The following ZNF250 variants were observed in gnomAD, a reference collection of about 807,000 sequenced individuals.
ZNF250 encodes the protein zinc finger protein 250, also known as zinc finger protein (clone 647).
ZNF250 carries 13 observed loss-of-function variants against 37.1 expected under a neutral mutation model. The ratio of observed to expected loss-of-function variants is 0.35; its 90% CI spans 0.23 to 0.56. The LOEUF (loss-of-function observed/expected upper bound fraction) is 0.56, where lower values mean the gene tolerates loss of function less well. Among genes scored for constraint, ZNF250 ranks in the 20% least tolerant of loss-of-function variants. ZNF250 has a pLI of 0.87. For synonymous variants in ZNF250, 251 were observed against 265.6 expected, an observed-to-expected ratio of 0.94 and a Z score of 0.54; for missense variants, 474 against 697.9, an observed-to-expected ratio of 0.68 and a Z score of 3.61.
chr8:144,884,018 CA>C (rs1831693275), intron 5 of ZNF250, among the ~76,000 whole-genome samples: 2 of 152,174 alleles, frequency 1.3e-5, no homozygotes, highest in Non-Finnish European at 2.9e-5. Flanking sequence ...GCTGGGAGTA[CA>C]GGCATGAGCC....
At chr8:144,896,680 G>A (rs1053933290) in intron 1 of ZNF250, among the ~76,000 whole-genome samples, 3 of 152,192 alleles carry the variant, frequency 2.0e-5, no homozygotes, top group African/African-American at 7.2e-5. Flanking sequence ...GAAGGAGGAT[G>A]ATGTGGACAG....
chr8:144,902,123 C>T (rs548785880), upstream of ZNF250: 1 of 152,476 alleles, frequency 6.6e-6, no homozygotes, highest in East Asian at 1.9e-4. Context: ...GTGCTCCCGA[C>T]AGGGGGCGTC....
chr8:144,884,611 A>G lies in ZNF250; in HGVS notation c.347-1775T>C, dbSNP rs537503388. On this transcript the variant is annotated intron_variant, in intron 5 of 5. Transcript: ENST00000417550. ...AGCATGCTTCTGTGAAGATTCTCCT[A>G]TGTTTCCTGGTGCTTACACACAAAT... Among the ~76,000 whole-genome samples the G allele has an allele frequency of 1.4e-4, 21 of 152,182 alleles. No individual in the cohort carries two copies. In the South Asian group the frequency reaches 4.4e-3, roughly 32 times the overall value.
At chr8:144,889,831 G>A (rs1422190589) in intron 3 of ZNF250, 102 bp downstream of exon 3, 3 of 1,483,342 alleles carry the variant, frequency 2.0e-6, no homozygotes, top group East Asian at 2.3e-5. Flanking sequence ...GGTGATGAGA[G>A]CAAACCTCCA....
chr8:144,889,915 CCTG>C lies in ZNF250; in HGVS notation c.169+15_169+17del. The C allele has an allele frequency of 6.3e-7, 1 of 1,586,170 alleles. No homozygotes were observed. Among genetic ancestry groups the C allele is most frequent in the Non-Finnish European group, 8.6e-7 (1 of 1,163,656 alleles). ...CCAATACGCAGATACATAGACGAGGCCTGCTAAGGTGGCTTACCCAATGAGACT... is the reference window on the plus strand; with the variant it reads ...CCAATACGCAGATACATAGACGAGGCCTAAGGTGGCTTACCCAATGAGACT... On this transcript the variant is annotated intron_variant, in intron 3 of 5. Coordinates refer to ENST00000417550, the MANE Select transcript of ZNF250 (RefSeq NM_001109689.4).
intron 5 of ZNF250, among the ~76,000 whole-genome samples, chr8:144,884,285 C>T (rs1831712209): frequency 1.3e-5 from 2 of 152,070 alleles, no homozygotes; most frequent in African/African-American, 4.8e-5. Flanking sequence ...GGAGTCTTAC[C>T]CTGTCGCCCA....
At chr8:144,889,513 T>C in intron 4 of ZNF250, 68 bp downstream of exon 4, 1 of 1,285,598 alleles carries the variant, frequency 7.8e-7, no homozygotes. Flanking sequence ...CAGTATGAAC[T>C]AGGTCCACAG....
rs1831249686 is a variant in ZNF250, at chr8:144,878,321, G to C, written c.*3194C>G. On this transcript the variant is annotated 3_prime_UTR_variant, in exon 6 of 6. Coordinates refer to ENST00000417550, the MANE Select transcript of ZNF250 (RefSeq NM_001109689.4). ...CTAGTGATCTCAACCTTTCTCTGAA[G>C]AATCACCTTAGTGATTTCAGCCACC... is the stretch of plus-strand genomic sequence containing the variant. 1 of 152,202 alleles carries C rather than the reference G, an allele frequency of 6.6e-6. No individual in the cohort carries two copies. Among genetic ancestry groups the C allele is most frequent in the Non-Finnish European group, 1.5e-5 (1 of 68,034 alleles). 9.4% of individuals were successfully genotyped at this position (152,202 alleles called of 1,614,324 possible). A position where few individuals can be genotyped will look rare whatever the true frequency, so the allele number is the denominator to read the frequency against.
Position 144,881,861 on chromosome 8 carries a change from G to C in ZNF250, c.1322C>G (p.Thr441Ser), listed in dbSNP as rs141062104. ...ACCACACACATAGGGCTTCTCCCCA[G>C]TGTGGACTCTCTGGTGCTGGATCAG... ...SHLIQHQRVHTGEKPYVCGEC... is the reference protein window; with the variant it reads ...SHLIQHQRVHSGEKPYVCGEC... The change falls in exon 6 of 6, where the codon ACT becomes AGT. Residue 441 changes from threonine to serine, a missense_variant. This residue lies in a region of ZNF250 where 282 missense variants were observed against 470.4 expected (regional missense o/e 0.60). Coordinates refer to ENST00000417550, the MANE Select transcript of ZNF250 (RefSeq NM_001109689.4). The C allele has an allele frequency of 2.9e-4, 461 of 1,614,058 alleles. 1 individual carries two copies. Among genetic ancestry groups the C allele is most frequent in the East Asian group, 4.7e-4 (21 of 44,866 alleles).
At position 144,900,378 on chromosome 8, in the gene ZNF250, G is replaced by A. The variant is rs186460110; in HGVS notation, c.-55+1021C>T. Among the ~76,000 whole-genome samples the A allele has an allele frequency of 1.2e-4, 19 of 152,264 alleles. No homozygotes were observed. The South Asian group carries it at 2.1e-3, about 17-fold the overall frequency. On this transcript the variant is annotated intron_variant, in intron 1 of 5. Coordinates refer to ENST00000417550, the MANE Select transcript of ZNF250 (RefSeq NM_001109689.4). ...CTGCCGCCCCTGGTGTTAGTCAAAC[G>A]ACACCAGCTTCCCTTTGATGACAGA...
chr8:144,897,386 C>T lies in ZNF250; in HGVS notation c.-55+4013G>A, dbSNP rs779772262. ...GAGCACAAGGCGAAACACTGCTAAA[C>T]TTGACCTAATCTAAACTAACCCTAA... On this transcript the variant is annotated intron_variant, in intron 1 of 5. Transcript: ENST00000417550. The surrounding 1 kb of genome is among the most constrained non-coding windows in gnomAD (Gnocchi z 5.2). 2.6e-5 allele frequency among the ~76,000 whole-genome samples: 4 copies of T among 152,254 alleles called. No individual in the cohort carries two copies. Among genetic ancestry groups the T allele is most frequent in the Non-Finnish European group, 5.9e-5 (4 of 68,050 alleles).
intron 5 of ZNF250, among the ~76,000 whole-genome samples, chr8:144,884,709 A>AT (rs1171123922): frequency 6.6e-6 from 1 of 150,496 alleles, no homozygotes; most frequent in East Asian, 1.9e-4. Flanking sequence ...TTTTTTTTTC[A>AT]TTTTTTTTAC....
chr8:144,881,692 C>T lies in ZNF250; in HGVS notation c.1491G>A (p.Thr497=), dbSNP rs775958362. ...ATLIVHLRTH[T]GEKPYECNSC... ...TATTGCACTCATATGGCTTCTCGCC[C>T]GTGTGGGTCCTCAGGTGCACAATCA... The change falls in exon 6 of 6, where the codon ACG becomes ACA. Residue 497 remains threonine (T), a synonymous_variant. Transcript: ENST00000417550. 20 of 1,612,240 alleles carry T rather than the reference C, an allele frequency of 1.2e-5. No homozygotes were observed. Among genetic ancestry groups the T allele is most frequent in the East Asian group, 6.7e-5 (3 of 44,756 alleles).
chr8:144,890,406 G>C lies in ZNF250; in HGVS notation c.-54-3C>G, dbSNP rs1317802140. 7.0e-7 allele frequency: 1 copy of C among 1,420,774 alleles called. No individual in the cohort carries two copies. Among genetic ancestry groups the C allele is most frequent in the East Asian group, 2.5e-5 (1 of 40,712 alleles). 88.0% of individuals were successfully genotyped at this position (1,420,774 alleles called of 1,614,324 possible). ...GGAAATTGAAGGAGCCTATGGGGCT[G>C]AGGAAGAGGAGGGGGCAAGTGAGGG... On this transcript the variant is annotated splice_polypyrimidine_tract_variant and splice_region_variant and intron_variant, in intron 1 of 5. Coordinates refer to ENST00000417550, the MANE Select transcript of ZNF250 (RefSeq NM_001109689.4). This position sits in a 1 kb window ranked among gnomAD's most constrained non-coding sequence, Gnocchi z 5.1.
At chr8:144,887,028 C>T in intron 4 of ZNF250, 126 bp from the exon 5 acceptor site, 1 of 747,606 alleles carries the variant, frequency 1.3e-6, no homozygotes, top group South Asian at 1.5e-5. Context: ...GAGTGGATCA[C>T]TTGAGGTCAG....
At position 144,891,608 on chromosome 8, in the gene ZNF250, T is replaced by C. The variant is rs1563894937; in HGVS notation, c.-54-1205A>G. Among the ~76,000 whole-genome samples the C allele has an allele frequency of 6.6e-6, 1 of 151,994 alleles. No individual in the cohort carries two copies. The highest frequency in any genetic ancestry group is 1.5e-5 in the Non-Finnish European group (1 of 67,998). On this transcript the variant is annotated intron_variant, in intron 1 of 5. Coordinates refer to ENST00000417550, the MANE Select transcript of ZNF250 (RefSeq NM_001109689.4). The surrounding 1 kb of genome is among the most constrained non-coding windows in gnomAD (Gnocchi z 4.0). Reference sequence around the variant, plus strand: ...GGCTTATGCCTGTAATCCCAGCACTTTGGGAGGCCGAGGCAGGCGGATCAC... The same window carrying C: ...GGCTTATGCCTGTAATCCCAGCACTCTGGGAGGCCGAGGCAGGCGGATCAC...
At position 144,882,892 on chromosome 8, in the gene ZNF250, G is replaced by A. The variant is rs1305676853; in HGVS notation, c.347-56C>T. On this transcript the variant is annotated intron_variant, in intron 5 of 5. Transcript: ENST00000417550. The surrounding 1 kb of genome is among the most constrained non-coding windows in gnomAD (Gnocchi z 5.5). ...AACACTACTCAAAACTGAAGAGCTA[G>A]TGCAACCCTGAAACTGGCCTTGCTG... The A allele has an allele frequency of 6.5e-7, 1 of 1,547,544 alleles. No homozygotes were observed. The highest frequency in any genetic ancestry group is 8.7e-7 in the Non-Finnish European group (1 of 1,149,634).
At chr8:144,892,575 A>T (rs1832419914) in intron 1 of ZNF250, among the ~76,000 whole-genome samples, 1 of 151,402 alleles carries the variant, frequency 6.6e-6, no homozygotes, top group Non-Finnish European at 1.5e-5. Context: ...TTTTTTTGAG[A>T]CAGAGTTTCA....
chr8:144,895,271 G>A (rs1478636408), intron 1 of ZNF250: 1 of 152,204 alleles, frequency 6.6e-6, no homozygotes, highest in Admixed American at 6.5e-5. Flanking sequence ...CAGGTCACCA[G>A]ATGGGTGAGT....
Sources: gnomAD v4.1 joint callset for allele counts (sites outside exome capture counted in the v4.1 genomes callset) on GRCh38, gnomAD v4.1.1 for gene constraint, gnomAD v4.1.1 regional missense constraint, Gnocchi (gnomAD v3.1) non-coding constraint, MANE v1.5 for transcripts, NCBI Gene and HGNC (gene_info 2026-07-23, HGNC 2026-07-21) for gene names.